The following PRMT3 variants were observed in gnomAD, a reference collection of about 807,000 sequenced individuals.
PRMT3 encodes protein arginine methyltransferase 3.
In PRMT3, 62 loss-of-function variants were observed where a neutral mutation model predicts 71.9. That is an observed-to-expected ratio of 0.86 (90% CI 0.70 to 1.07). The LOEUF is 1.07. PRMT3 is among the 50% of genes least tolerant of loss of function. The pLI is 0.00. For missense variants in PRMT3, 663 were observed against 643.0 expected (o/e 1.03, Z -0.34); for synonymous variants, 213 against 220.4 (o/e 0.97, Z 0.30).
chr11:20,427,692 C>G (rs1195017546), intron 10 of PRMT3, among the ~76,000 whole-genome samples: 1 of 152,092 alleles, frequency 6.6e-6, no homozygotes, highest in Non-Finnish European at 1.5e-5. Context: ...CGCCACTGCA[C>G]CCCAACCTGG....
At chr11:20,388,761 G>C (rs1457596436) in intron 2 of PRMT3, among the ~76,000 whole-genome samples, 1 of 152,184 alleles carries the variant, frequency 6.6e-6, no homozygotes, top group South Asian at 2.1e-4. Flanking sequence ...TTTGCTCAAG[G>C]TCACAAAGCT....
chr11:20,478,601 A>G (rs547077843), intron 13 of PRMT3, among the ~76,000 whole-genome samples: 4 of 152,102 alleles, frequency 2.6e-5, no homozygotes, highest in African/African-American at 9.6e-5. Flanking sequence ...TTAGCTTTGG[A>G]TGGAATCAAA....
At chr11:20,435,897 A>G (rs544247389) in intron 10 of PRMT3, among the ~76,000 whole-genome samples, 49 of 152,198 alleles carry the variant, frequency 3.2e-4, no homozygotes, top group Non-Finnish European at 5.4e-4. Context: ...TGAATCTGTA[A>G]ATCACTTTGG....
intron 13 of PRMT3, among the ~76,000 whole-genome samples, chr11:20,481,200 A>AATCCAGTGGAGT (rs1855683561): frequency 6.6e-6 from 1 of 152,060 alleles, no homozygotes; most frequent in Admixed American, 6.6e-5. Flanking sequence ...TTTTAAAGGA[A>AATCCAGTGGAGT]ATCCAGTGGA....
At chr11:20,426,973 A>G in intron 10 of PRMT3, 108 bp downstream of exon 10, 1 of 1,391,216 alleles carries the variant, frequency 7.2e-7, no homozygotes, top group Non-Finnish European at 9.3e-7. Flanking sequence ...GAATGGTGAC[A>G]TTATTTTTTA....
chr11:20,421,162 C>T (rs528112966), intron 9 of PRMT3, among the ~76,000 whole-genome samples: 92 of 152,236 alleles, frequency 6.0e-4, no homozygotes, highest in African/African-American at 2.2e-3. Context: ...CCTTGCTTCT[C>T]GAGTAGCCGG....
rs1440310504 is a variant in PRMT3, at chr11:20,388,072, G to T, written c.82G>T (p.Gly28Trp). 16 of 1,614,050 alleles carry T rather than the reference G, an allele frequency of 9.9e-6. No homozygotes were observed. Among genetic ancestry groups the T allele is most frequent in the Non-Finnish European group, 1.4e-5 (16 of 1,179,992 alleles). ...EEDLPELSDS[G>W]DEAAWEDEDD... ...GGACCTGCCAGAACTGTCGGACAGC[G>T]GGGACGAGGCCGCCTGGGAGGATGA... Residue 28 changes from glycine (G) to tryptophan (W), a missense_variant, in exon 2 of 16, where the codon GGG (glycine) becomes TGG (tryptophan). By Grantham distance (184) the Gly-to-Trp change is radical. Transcript: ENST00000331079.
intron 9 of PRMT3, among the ~76,000 whole-genome samples, chr11:20,415,241 T>C (rs1004844816): frequency 2.6e-5 from 4 of 152,142 alleles, no homozygotes; most frequent in African/African-American, 9.7e-5. Context: ...CATAAAACTC[T>C]GGTGAACGTC....
Position 20,387,745 on chromosome 11 carries a change from C to G in PRMT3, c.-2C>G, listed in dbSNP as rs1440579229. ...ACGCCGGGCTCTCGGGGCACCACAGCCATGTGCTCGTTAGCGTCAGGCGCT... is the reference window on the plus strand; with the variant it reads ...ACGCCGGGCTCTCGGGGCACCACAGGCATGTGCTCGTTAGCGTCAGGCGCT... On this transcript the variant is annotated 5_prime_UTR_variant, in exon 1 of 16. Transcript: ENST00000331079. This position sits in a 1 kb window ranked among gnomAD's most constrained non-coding sequence, Gnocchi z 4.3. The G allele has an allele frequency of 6.5e-7, 1 of 1,540,726 alleles. No homozygotes were observed. The highest frequency in any genetic ancestry group is 2.0e-5 in the Admixed American group (1 of 50,842).
At chr11:20,444,260 C>T (rs1267158534) in intron 10 of PRMT3, among the ~76,000 whole-genome samples, 1 of 152,236 alleles carries the variant, frequency 6.6e-6, no homozygotes, top group South Asian at 2.1e-4. Flanking sequence ...ATATTACACT[C>T]TATTATAAAC....
At chr11:20,492,104 T>C (rs1007292903) in intron 13 of PRMT3, among the ~76,000 whole-genome samples, 3 of 152,216 alleles carry the variant, frequency 2.0e-5, no homozygotes, top group African/African-American at 7.2e-5. Context: ...TGCTCTTAAA[T>C]AAATTGCAGT....
intron 11 of PRMT3, among the ~76,000 whole-genome samples, chr11:20,453,723 G>C (rs1850205521): frequency 1.3e-5 from 2 of 152,062 alleles, no homozygotes; most frequent in South Asian, 2.1e-4. Flanking sequence ...TATGATTGCA[G>C]TGGCTTTGTT....
At chr11:20,392,050 A>G (rs57803655) in intron 3 of PRMT3, among the ~76,000 whole-genome samples, 161 bp from the exon 4 acceptor site, 2 of 152,340 alleles carry the variant, frequency 1.3e-5, no homozygotes, top group Admixed American at 6.5e-5. Flanking sequence ...CAGAAGTATC[A>G]TTGTATTACT....
At chr11:20,433,713 C>T (rs376934565) in intron 10 of PRMT3, among the ~76,000 whole-genome samples, 3 of 152,162 alleles carry the variant, frequency 2.0e-5, no homozygotes, top group South Asian at 4.1e-4. Context: ...CTCCACCCCC[C>T]AGGTTCAAGC....
At chr11:20,429,957 G>T (rs552911481) in intron 10 of PRMT3, among the ~76,000 whole-genome samples, 1 of 152,258 alleles carries the variant, frequency 6.6e-6, no homozygotes, top group East Asian at 1.9e-4. Context: ...TAGGATTTTT[G>T]ATTTGAGAAG....
rs1394015937 is a variant in PRMT3 at position 20,462,074 on chromosome 11, C to T, written c.1167C>T (p.Phe389=). ...CTTTTTGGGATGATGTCTATGGCTT[C>T]AAGATGTCCTGCATGAAGAAAGCAG... ...RIAFWDDVYG[F]KMSCMKKAVI... is the part of the protein sequence containing the mutation. The change falls in exon 12 of 16, where the codon TTC becomes TTT. Residue 389 remains phenylalanine (F), a synonymous_variant. Transcript: ENST00000331079. 2 of 1,613,290 alleles carry T rather than the reference C, an allele frequency of 1.2e-6. No individual in the cohort carries two copies. Among genetic ancestry groups the T allele is most frequent in the African/African-American group, 2.7e-5 (2 of 75,018 alleles).
At chr11:20,433,739 G>T (rs370559197) in intron 10 of PRMT3, among the ~76,000 whole-genome samples, 1 of 152,032 alleles carries the variant, frequency 6.6e-6, no homozygotes, top group Non-Finnish European at 1.5e-5. Context: ...TCCAACCTCG[G>T]CCTCCAGAGT....
At chr11:20,397,515 G>A (rs989508273) in intron 6 of PRMT3, 62 bp from the exon 7 acceptor site, 4 of 1,552,128 alleles carry the variant, frequency 2.6e-6, no homozygotes, top group Non-Finnish European at 3.5e-6. Context: ...TCAACCTCTA[G>A]CCTTTCCTTT....
intron 13 of PRMT3, among the ~76,000 whole-genome samples, chr11:20,480,448 G>A (rs539184304): frequency 6.6e-6 from 1 of 152,300 alleles, no homozygotes; most frequent in African/African-American, 2.4e-5. Context: ...GGTTTAAGGA[G>A]TTGAAAGAAG....
Sources: gnomAD v4.1 joint callset for allele counts (sites outside exome capture counted in the v4.1 genomes callset) on GRCh38, gnomAD v4.1.1 for gene constraint, Gnocchi (gnomAD v3.1) non-coding constraint, MANE v1.5 for transcripts, NCBI Gene and HGNC (gene_info 2026-07-23, HGNC 2026-07-21) for gene names.